TEX2: variants seen among roughly 807,000 people sequenced by gnomAD.
TEX2 encodes testis expressed 2, also known as testis-expressed protein 2.
A neutral mutation model predicts 106.9 loss-of-function variants in TEX2; 53 were observed. That is an observed-to-expected ratio of 0.50 (90% confidence interval 0.40 to 0.62). TEX2 has a LOEUF of 0.62. Ranked by LOEUF, TEX2 falls within the 20% of genes least tolerant of loss-of-function variation. TEX2 has a pLI of 0.00. For synonymous variants in TEX2, 523 were observed against 534.8 expected (o/e 0.98, Z 0.30); for missense variants, 1,207 against 1,379.0 (o/e 0.88, Z 1.98).
chr17:64,196,827 G>A (rs2032482826), intron 2 of TEX2, among the ~76,000 whole-genome samples: 1 of 152,084 alleles, frequency 6.6e-6, no homozygotes. Context: ...GGATGTATGA[G>A]TCATGATGTG....
rs551403181 is a variant in TEX2 at position 64,200,447 on chromosome 17, C to G, written c.1645-5352G>C. 5.3e-5 allele frequency among the ~76,000 whole-genome samples: 8 copies of G among 152,342 alleles called. No homozygotes were observed. The East Asian group carries it at 1.5e-3, about 29-fold the overall frequency. On this transcript the variant is annotated intron_variant, in intron 2 of 11. Coordinates refer to ENST00000584379, the MANE Select transcript of TEX2 (RefSeq NM_001288732.2). ...AAAGCCAGGCATTCAACCCAGCAAC[C>G]TGAGCTACCACCTTAGCTGAAGAAC...
intron 1 of TEX2, among the ~76,000 whole-genome samples, chr17:64,260,422 G>A (rs554149442): frequency 1.9e-4 from 29 of 152,080 alleles, no homozygotes; most frequent in Admixed American, 1.0e-3. Context: ...TCTTGCCTTG[G>A]CCTCCCAAGG....
intron 1 of TEX2, among the ~76,000 whole-genome samples, chr17:64,252,382 G>T (rs1362484590): frequency 2.0e-5 from 3 of 151,910 alleles, no homozygotes; most frequent in South Asian, 2.1e-4. Flanking sequence ...GCACAATGAT[G>T]GCTCACTGCA....
chr17:64,187,939 C>T (rs2032138146), intron 5 of TEX2, among the ~76,000 whole-genome samples: 1 of 152,136 alleles, frequency 6.6e-6, no homozygotes, highest in Non-Finnish European at 1.5e-5. Flanking sequence ...CAGTTCTGGC[C>T]ACTTCCCCTC....
intron 2 of TEX2, among the ~76,000 whole-genome samples, chr17:64,212,128 A>G (rs1363762570): frequency 1.3e-5 from 2 of 152,348 alleles, no homozygotes; most frequent in East Asian, 1.9e-4. Flanking sequence ...CGTGCAAAGG[A>G]AAGAGGAGCA....
At chr17:64,216,604 G>A (rs1056126077) in intron 1 of TEX2, among the ~76,000 whole-genome samples, 1 of 152,204 alleles carries the variant, frequency 6.6e-6, no homozygotes, top group Non-Finnish European at 1.5e-5. Context: ...GAAGGCCTGG[G>A]AATCTAAGGG....
chr17:64,238,692 T>A (rs1555635401), intron 1 of TEX2, among the ~76,000 whole-genome samples: 1 of 152,158 alleles, frequency 6.6e-6, no homozygotes, highest in African/African-American at 2.4e-5. Context: ...AAGAACAGCA[T>A]GAGGGTAACC....
intron 1 of TEX2, among the ~76,000 whole-genome samples, chr17:64,233,321 C>T (rs2033697869): frequency 6.6e-6 from 1 of 152,178 alleles, no homozygotes. Context: ...CGCCTGTAAT[C>T]CCAGCACTTT....
chr17:64,158,617 A>G (rs2030742800), intron 8 of TEX2, among the ~76,000 whole-genome samples: 1 of 152,196 alleles, frequency 6.6e-6, no homozygotes, highest in Non-Finnish European at 1.5e-5. Context: ...CTCATGACTG[A>G]GGAAGTGAAG....
rs1215659713 is a variant in TEX2, at chr17:64,195,036, A to G, written c.1704T>C (p.His568=). ...DPETYHATLT[H]SVFVRLEGGT... The stretch of plus-strand genomic sequence containing the variant: ...CACCCTCAAGTCGAACAAAGACTGA[A>G]TGTGTCAAAGTCGCATGGTAGGTTT... Residue 568 remains histidine, a synonymous_variant, in exon 3 of 12, where the codon CAT becomes CAC. Coordinates refer to ENST00000584379, the MANE Select transcript of TEX2 (RefSeq NM_001288732.2). The surrounding 1 kb of genome is among the most constrained non-coding windows in gnomAD (Gnocchi z 4.1). 6.2e-7 allele frequency: 1 copy of G among 1,614,206 alleles called. No individual in the cohort carries two copies. Among genetic ancestry groups the G allele is most frequent in the East Asian group, 2.2e-5 (1 of 44,888 alleles).
At position 64,150,830 on chromosome 17, in the gene TEX2, T is replaced by C. The variant is rs777991436; in HGVS notation, c.3261+11A>G. 6.2e-7 allele frequency: 1 copy of C among 1,612,032 alleles called. No homozygotes were observed. The highest frequency in any genetic ancestry group is 8.5e-7 in the Non-Finnish European group (1 of 1,179,180). ...CTTGGTGTGAAATACTAGATAACACTAGAGGTTTACCTGAAACTCTTGCTC... is the reference window on the plus strand; with the variant it reads ...CTTGGTGTGAAATACTAGATAACACCAGAGGTTTACCTGAAACTCTTGCTC... On this transcript the variant is annotated intron_variant, in intron 11 of 11. Coordinates refer to ENST00000584379, the MANE Select transcript of TEX2 (RefSeq NM_001288732.2).
intron 1 of TEX2, among the ~76,000 whole-genome samples, chr17:64,220,228 G>A (rs556042361): frequency 5.0e-4 from 76 of 152,176 alleles, no homozygotes; most frequent in African/African-American, 1.7e-3. Flanking sequence ...AGACTTAAAC[G>A]GAAAACCCAA....
intron 7 of TEX2, among the ~76,000 whole-genome samples, chr17:64,166,957 G>A (rs1464776775): frequency 6.6e-6 from 1 of 152,188 alleles, no homozygotes. Flanking sequence ...AGGAAAGAAA[G>A]GAAATCCATA....
chr17:64,186,436 T>G (rs190306435), intron 5 of TEX2, among the ~76,000 whole-genome samples: 214 of 152,270 alleles, frequency 1.4e-3, no homozygotes, highest in African/African-American at 5.0e-3. Flanking sequence ...ATCAGGTGAG[T>G]GACCTCTTCC....
rs111284811 is a variant in TEX2, at chr17:64,219,998, T to C, written c.-25-5756A>G. On this transcript the variant is annotated intron_variant, in intron 1 of 11. Coordinates refer to ENST00000584379, the MANE Select transcript of TEX2 (RefSeq NM_001288732.2). ...TAATCACAAGTGCCCTTAAAAGATA[T>C]GAGGAAGGCAGAAACTCAGAGAAGG... 3.8e-3 allele frequency among the ~76,000 whole-genome samples: 574 copies of C among 152,174 alleles called. 3 individuals carry two copies. Among genetic ancestry groups the C allele is most frequent in the African/African-American group, 0.013 (559 of 41,522 alleles).
intron 5 of TEX2, 56 bp downstream of exon 5, chr17:64,188,111 GA>G: frequency 1.3e-6 from 2 of 1,571,428 alleles, no homozygotes; most frequent in Non-Finnish European, 1.7e-6. Context: ...ACTTACGCAT[GA>G]AGAAATGTGT....
chr17:64,191,755 T>C (rs1598161362), intron 4 of TEX2, among the ~76,000 whole-genome samples: 1 of 143,634 alleles, frequency 7.0e-6, no homozygotes, highest in South Asian at 2.2e-4. Context: ...GAGGCGGAGG[T>C]TGCAGTGAGC....
intron 1 of TEX2, among the ~76,000 whole-genome samples, chr17:64,252,769 A>C (rs2034116022): frequency 6.6e-6 from 1 of 152,236 alleles, no homozygotes; most frequent in African/African-American, 2.4e-5. Context: ...AACGCGGAGC[A>C]AAATAAACAA....
intron 1 of TEX2, among the ~76,000 whole-genome samples, chr17:64,219,436 AAGG>A (rs1202298175): frequency 2.6e-5 from 4 of 151,838 alleles, no homozygotes; most frequent in African/African-American, 9.7e-5. Flanking sequence ...AAACTGAGAG[AAGG>A]AGGTTTCAGT....
Sources: allele counts gnomAD v4.1 joint callset (sites outside exome capture counted in the v4.1 genomes callset), GRCh38; gene constraint gnomAD v4.1.1; non-coding constraint Gnocchi (gnomAD v3.1); transcripts MANE v1.5; gene names NCBI Gene and HGNC (gene_info 2026-07-23, HGNC 2026-07-21).